RIGI: variants seen among roughly 807,000 people sequenced by gnomAD.
RIGI encodes the protein RNA sensor RIG-I.
chr9:32,515,723 A>G, the RIGI span, among the ~76,000 whole-genome samples: 1 of 152,162 alleles, frequency 6.6e-6, no homozygotes, highest in African/African-American at 2.4e-5. Flanking sequence ...CTTCATCCCT[A>G]TTCCACAGAA....
At chr9:32,457,939 T>C in the RIGI span, among the ~76,000 whole-genome samples, 4 of 151,996 alleles carry the variant, frequency 2.6e-5, no homozygotes, top group Admixed American at 6.6e-5. Flanking sequence ...CAGGAAAACA[T>C]AGGGTCTAAA....
chr9:32,472,999 G>A, the RIGI span: 15 of 1,608,956 alleles, frequency 9.3e-6, no homozygotes, highest in East Asian at 4.5e-5. Flanking sequence ...GTTTTGCCAC[G>A]TCCAGTCAAT....
chr9:32,455,531 C>T, the RIGI span, among the ~76,000 whole-genome samples: 6 of 152,130 alleles, frequency 3.9e-5, no homozygotes, highest in Non-Finnish European at 8.8e-5. Flanking sequence ...CCCCCGTGAT[C>T]CAATCACCTC....
the RIGI span, among the ~76,000 whole-genome samples, chr9:32,509,992 T>C: frequency 4.0e-3 from 607 of 151,480 alleles, 3 homozygotes; most frequent in African/African-American, 0.014. Flanking sequence ...ATATCAGAGA[T>C]TGAAGATGAA....
the RIGI span, among the ~76,000 whole-genome samples, chr9:32,516,874 G>A: frequency 1.3e-5 from 2 of 152,210 alleles, no homozygotes; most frequent in Non-Finnish European, 1.5e-5. Context: ...CCGATTGAGA[G>A]AGAAAAGCAC....
chr9:32,485,143 A>G, the RIGI span: 20 of 1,485,472 alleles, frequency 1.3e-5, no homozygotes, highest in East Asian at 4.5e-4. Context: ...ATTCCCCAGT[A>G]GAGAGAACAC....
chr9:32,489,257 A>G, the RIGI span: 2 of 882,170 alleles, frequency 2.3e-6, no homozygotes, highest in Non-Finnish European at 3.4e-6. Context: ...GAAAAAACTG[A>G]AACTTGCCCA....
At chr9:32,498,215 C>T in the RIGI span, 1 of 452,648 alleles carries the variant, frequency 2.2e-6, no homozygotes, top group South Asian at 1.6e-5. Flanking sequence ...TCCTCTGCTT[C>T]ACCTTCTGAC....
At chr9:32,476,964 A>G in the RIGI span, 7 of 1,604,054 alleles carry the variant, frequency 4.4e-6, no homozygotes, top group Non-Finnish European at 6.0e-6. Flanking sequence ...TGTTATCTAC[A>G]AGGAGAAAAA....
chr9:32,467,125 A>AT, the RIGI span, among the ~76,000 whole-genome samples: 1 of 152,200 alleles, frequency 6.6e-6, no homozygotes, highest in African/African-American at 2.4e-5. Flanking sequence ...GTATCTGAGC[A>AT]GTTCCGTCAA....
chr9:32,483,620 C>T, the RIGI span, among the ~76,000 whole-genome samples: 1 of 152,090 alleles, frequency 6.6e-6, no homozygotes, highest in African/African-American at 2.4e-5. Context: ...CTAACCCATA[C>T]TCTACCCAGT....
the RIGI span, among the ~76,000 whole-genome samples, chr9:32,459,035 C>G: frequency 6.6e-6 from 1 of 152,042 alleles, no homozygotes; most frequent in Non-Finnish European, 1.5e-5. Context: ...ATTACAGCCA[C>G]CTGCCACTAC....
the RIGI span, among the ~76,000 whole-genome samples, chr9:32,524,600 T>C: frequency 7.5e-3 from 650 of 86,830 alleles, 3 homozygotes; most frequent in South Asian, 0.015. Context: ...TTTTCGGTTT[T>C]TTTTTTTTTT....
At chr9:32,489,291 G>GA in the RIGI span, 70 of 1,322,896 alleles carry the variant, frequency 5.3e-5, no homozygotes, top group South Asian at 1.2e-4. Context: ...TTCAACAAAA[G>GA]AAAAAAAAGG....
At chr9:32,456,285 T>C in the RIGI span, 1 of 152,144 alleles carries the variant, frequency 6.6e-6, no homozygotes, top group Non-Finnish European at 1.5e-5. Context: ...AAGTATTTTA[T>C]CATTTTTATG....
At chr9:32,474,613 A>C in the RIGI span, among the ~76,000 whole-genome samples, 1 of 152,190 alleles carries the variant, frequency 6.6e-6, no homozygotes, top group South Asian at 2.1e-4. Flanking sequence ...GGCCCACATG[A>C]GTGAACTCAG....
chr9:32,471,545 T>TATA, the RIGI span, among the ~76,000 whole-genome samples: 1 of 152,232 alleles, frequency 6.6e-6, no homozygotes, highest in African/African-American at 2.4e-5. Flanking sequence ...AATAAGAAGC[T>TATA]ATAATTGAGT....
chr9:32,494,986 G>A, the RIGI span, among the ~76,000 whole-genome samples: 1 of 152,088 alleles, frequency 6.6e-6, no homozygotes, highest in Non-Finnish European at 1.5e-5. Flanking sequence ...CTATCAACAT[G>A]GATGTGCAAA....
the RIGI span, among the ~76,000 whole-genome samples, chr9:32,460,943 C>T: frequency 6.6e-6 from 1 of 151,752 alleles, no homozygotes; most frequent in Non-Finnish European, 1.5e-5. Flanking sequence ...ATTCAAGAAG[C>T]TGAACAAGCT....
Sources: allele counts gnomAD v4.1 joint callset (sites outside exome capture counted in the v4.1 genomes callset), GRCh38; gene constraint gnomAD v4.1.1; transcripts MANE v1.5; gene names NCBI Gene and HGNC (gene_info 2026-07-23, HGNC 2026-07-21).